Variants in RCAN2 observed in about 807,000 individuals in gnomAD.
The protein encoded by RCAN2 is calcipressin-2.
In RCAN2, 9 loss-of-function variants were observed where a neutral mutation model predicts 23.6. That is an observed-to-expected ratio of 0.38 (90% CI 0.23 to 0.67). RCAN2 has a LOEUF of 0.67. RCAN2 is among the 30% of genes least tolerant of loss of function. The pLI is 0.51. For missense variants in RCAN2, 273 were observed against 302.3 expected (o/e 0.90, Z 0.72); for synonymous variants, 109 against 115.7 (o/e 0.94, Z 0.37).
rs937797023 is a variant in RCAN2 at position 46,398,317 on chromosome 6, G to A, written c.225+58435C>T. On this transcript the variant is annotated intron_variant, in intron 2 of 4. Coordinates refer to ENST00000371374, the MANE Select transcript of RCAN2 (RefSeq NM_001251974.2). The stretch of plus-strand genomic sequence containing the variant: ...ATTATGTTTGTAATAAATGTAAGAC[G>A]AAAAAGCAATGTATATATTATAACC... Among the ~76,000 whole-genome samples, 10 of 152,076 alleles carry A rather than the reference G, an allele frequency of 6.6e-5. No individual in the cohort carries two copies. In the East Asian group the frequency reaches 1.7e-3, roughly 26 times the overall value.
intron 2 of RCAN2, among the ~76,000 whole-genome samples, chr6:46,275,877 C>T (rs1411393678): frequency 1.3e-5 from 2 of 152,166 alleles, no homozygotes; most frequent in Non-Finnish European, 2.9e-5. Context: ...ACTATGAGGT[C>T]ATCACCATTT....
intron 2 of RCAN2, among the ~76,000 whole-genome samples, chr6:46,348,475 C>T (rs2150376892): frequency 6.6e-6 from 1 of 152,254 alleles, no homozygotes; most frequent in East Asian, 1.9e-4. Flanking sequence ...ACTGCTGACT[C>T]TAGGGCCCCA....
At chr6:46,257,709 AAT>A (rs1301635140) in intron 2 of RCAN2, among the ~76,000 whole-genome samples, 5 of 152,142 alleles carry the variant, frequency 3.3e-5, no homozygotes, top group Non-Finnish European at 7.3e-5. Flanking sequence ...TAGGGATTAC[AAT>A]TCTAGATGAG....
At chr6:46,450,573 G>A (rs1226507956) in intron 2 of RCAN2, among the ~76,000 whole-genome samples, 2 of 152,036 alleles carry the variant, frequency 1.3e-5, no homozygotes, top group Non-Finnish European at 2.9e-5. Flanking sequence ...AATGGATAAA[G>A]AAAATGTGGT....
At position 46,479,180 on chromosome 6, in the gene RCAN2, G is replaced by A. The variant is rs144169764; in HGVS notation, c.-3+11993C>T. ...GGGTGTGAAATCATTTTTTTGCATC[G>A]AAGATTTTCATTAGGTATTGTAGAA... On this transcript the variant is annotated intron_variant, in intron 1 of 4. Coordinates refer to ENST00000371374, the MANE Select transcript of RCAN2 (RefSeq NM_001251974.2). 6.0e-3 allele frequency among the ~76,000 whole-genome samples: 912 copies of A among 152,276 alleles called. 12 individuals are homozygous for A. The highest frequency in any genetic ancestry group is 0.02 in the African/African-American group (824 of 41,574).
chr6:46,273,164 CTCACACTATTT>C (rs1438335786), intron 2 of RCAN2, among the ~76,000 whole-genome samples: 1 of 152,184 alleles, frequency 6.6e-6, no homozygotes, highest in Non-Finnish European at 1.5e-5. Context: ...GCAGCTCACG[CTCACACTATTT>C]TCTCTAGTGC....
In RCAN2 at chr6:46,432,891, A is replaced by G. The variant is rs551571740; in HGVS notation, c.225+23861T>C. On this transcript the variant is annotated intron_variant, in intron 2 of 4. Transcript: ENST00000371374. ...CCACTTTGTAATAGTCAAGACACAT[A>G]TTCACTATAAACCTGAAAACATAAG... Among the ~76,000 whole-genome samples the G allele has an allele frequency of 6.6e-5, 10 of 152,318 alleles. No individual in the cohort carries two copies. In the East Asian group the frequency reaches 1.9e-3, roughly 29 times the overall value.
intron 1 of RCAN2, among the ~76,000 whole-genome samples, chr6:46,457,304 C>T (rs961575256): frequency 2.0e-5 from 3 of 152,188 alleles, no homozygotes; most frequent in African/African-American, 7.2e-5. Context: ...AGGCACTATT[C>T]TAAATGATTT....
intron 2 of RCAN2, among the ~76,000 whole-genome samples, chr6:46,391,519 TG>T: frequency 6.6e-6 from 1 of 152,268 alleles, no homozygotes; most frequent in South Asian, 2.1e-4. Context: ...GACGCTGACA[TG>T]GGGAGCAAAG....
intron 2 of RCAN2, among the ~76,000 whole-genome samples, chr6:46,388,749 G>C (rs1027056600): frequency 6.6e-6 from 1 of 152,130 alleles, no homozygotes; most frequent in African/African-American, 2.4e-5. Context: ...GTTCAACAAT[G>C]AAAACACATG....
intron 4 of RCAN2, among the ~76,000 whole-genome samples, chr6:46,238,294 C>A (rs1198150780): frequency 6.6e-6 from 1 of 152,164 alleles, no homozygotes; most frequent in African/African-American, 2.4e-5. Flanking sequence ...ACTAGGCGTT[C>A]TCTGCCTCTA....
chr6:46,445,864 A>G (rs1057188470), intron 2 of RCAN2, among the ~76,000 whole-genome samples: 3 of 152,204 alleles, frequency 2.0e-5, no homozygotes, highest in Non-Finnish European at 2.9e-5. Context: ...TTGAAAATAT[A>G]TAGTCAGACG....
chr6:46,273,234 GTTAACAGAC>G (rs1276748097), intron 2 of RCAN2, among the ~76,000 whole-genome samples: 1 of 152,144 alleles, frequency 6.6e-6, no homozygotes, highest in African/African-American at 2.4e-5. Flanking sequence ...GGGAAATTGG[GTTAACAGAC>G]TTTCTGACAT....
At position 46,387,823 on chromosome 6, in the gene RCAN2, G is replaced by A. The variant is rs550840065; in HGVS notation, c.225+68929C>T. On this transcript the variant is annotated intron_variant, in intron 2 of 4. Transcript: ENST00000371374. ...GCACACGTATGTTTATTGTGGCACT[G>A]TTCACAATGGCAAAGACTTGGAACC... 6.5e-3 allele frequency among the ~76,000 whole-genome samples: 983 copies of A among 152,154 alleles called. 7 individuals are homozygous for A. Among genetic ancestry groups the A allele is most frequent in the African/African-American group, 0.023 (943 of 41,490 alleles).
chr6:46,482,870 C>T (rs549338586), intron 1 of RCAN2, among the ~76,000 whole-genome samples: 1 of 152,304 alleles, frequency 6.6e-6, no homozygotes, highest in East Asian at 1.9e-4. Flanking sequence ...AAATAGTCAT[C>T]TTTGTATAAG....
At chr6:46,228,944 A>T (rs1765776635) in intron 4 of RCAN2, among the ~76,000 whole-genome samples, 1 of 151,942 alleles carries the variant, frequency 6.6e-6, no homozygotes, top group South Asian at 2.1e-4. Context: ...TTCCTTCAGG[A>T]GCTCTTTTAG....
intron 4 of RCAN2, among the ~76,000 whole-genome samples, chr6:46,237,806 T>C (rs1045623293): frequency 3.3e-5 from 5 of 152,202 alleles, no homozygotes; most frequent in African/African-American, 1.2e-4. Context: ...CTTGGAACCC[T>C]ATGTCCAAGT....
At chr6:46,240,411 G>A (rs1464722890) in intron 4 of RCAN2, among the ~76,000 whole-genome samples, 1 of 152,148 alleles carries the variant, frequency 6.6e-6, no homozygotes, top group African/African-American at 2.4e-5. Context: ...ATGGAAGATA[G>A]ATTAATGGAA....
intron 2 of RCAN2, among the ~76,000 whole-genome samples, chr6:46,289,947 A>G (rs1480773256): frequency 6.6e-6 from 1 of 152,188 alleles, no homozygotes; most frequent in Non-Finnish European, 1.5e-5. Context: ...CTTGTTAAAG[A>G]TTGTCCTCTA....
Sources: gnomAD v4.1 joint callset for allele counts (sites outside exome capture counted in the v4.1 genomes callset) on GRCh38, gnomAD v4.1.1 for gene constraint, MANE v1.5 for transcripts, NCBI Gene and HGNC (gene_info 2026-07-23, HGNC 2026-07-21) for gene names.